GRB2: variants seen among roughly 807,000 people sequenced by gnomAD.
GRB2 encodes the protein growth factor receptor bound protein 2.
GRB2 carries 2 observed loss-of-function variants against 27.4 expected under a neutral mutation model. That is an observed-to-expected ratio of 0.07 (90% CI 0.03 to 0.23). The LOEUF is 0.23. Among genes scored for constraint, GRB2 ranks in the 10% least tolerant of loss-of-function variants. The pLI is 1.00. For missense variants in GRB2, 102 were observed against 282.4 expected, an observed-to-expected ratio of 0.36 and a Z score of 4.58; for synonymous variants, 94 against 99.6, an observed-to-expected ratio of 0.94 and a Z score of 0.33.
At chr17:75,328,416 G>A (rs368814814) in intron 3 of GRB2, among the ~76,000 whole-genome samples, 3 of 152,160 alleles carry the variant, frequency 2.0e-5, no homozygotes, top group African/African-American at 7.2e-5. Context: ...CGAGGTGGGC[G>A]GATCATCTGA....
At chr17:75,362,231 T>C (rs1281364448) in intron 2 of GRB2, among the ~76,000 whole-genome samples, 1 of 152,218 alleles carries the variant, frequency 6.6e-6, no homozygotes, top group Non-Finnish European at 1.5e-5. Flanking sequence ...GTCTTTTTAT[T>C]AATCATCATC....
chr17:75,389,259 G>A (rs769328658), intron 2 of GRB2, among the ~76,000 whole-genome samples: 5 of 150,590 alleles, frequency 3.3e-5, no homozygotes, highest in Non-Finnish European at 2.9e-5. Context: ...CACAAGTTTC[G>A]TCTCCCTTGA....
chr17:75,375,055 T>C (rs988863341), intron 2 of GRB2, among the ~76,000 whole-genome samples: 1 of 151,960 alleles, frequency 6.6e-6, no homozygotes, highest in East Asian at 1.9e-4. Context: ...GCCACCACGA[T>C]TGGCTAATTT....
intron 2 of GRB2, among the ~76,000 whole-genome samples, chr17:75,383,028 A>C (rs185509301): frequency 2.4e-4 from 37 of 151,508 alleles, no homozygotes; most frequent in African/African-American, 8.9e-4. Context: ...AAGATTTTTA[A>C]AAGTTGTTTG....
At chr17:75,329,359 A>C (rs1345624525) in intron 3 of GRB2, among the ~76,000 whole-genome samples, 2 of 152,188 alleles carry the variant, frequency 1.3e-5, no homozygotes, top group African/African-American at 4.8e-5. Context: ...AACTCCCCAG[A>C]GGCAGCACGT....
At chr17:75,337,374 G>GT (rs1437706087) in intron 2 of GRB2, among the ~76,000 whole-genome samples, 1 of 150,860 alleles carries the variant, frequency 6.6e-6, no homozygotes, top group Non-Finnish European at 1.5e-5. Context: ...AGCTACTGAA[G>GT]TGTCGGGTTA....
intron 1 of GRB2, among the ~76,000 whole-genome samples, chr17:75,397,265 T>A (rs1027705172): frequency 6.6e-6 from 1 of 152,118 alleles, no homozygotes; most frequent in African/African-American, 2.4e-5. Context: ...ATCTAACACA[T>A]ACACAACACT....
At chr17:75,395,482 C>A (rs748805528) in intron 1 of GRB2, among the ~76,000 whole-genome samples, 1 of 152,170 alleles carries the variant, frequency 6.6e-6, no homozygotes, top group Non-Finnish European at 1.5e-5. Context: ...CAAACTAATC[C>A]GTGTACATAA....
intron 2 of GRB2, among the ~76,000 whole-genome samples, chr17:75,355,386 T>C (rs1290273192): frequency 6.6e-6 from 1 of 152,074 alleles, no homozygotes; most frequent in African/African-American, 2.4e-5. Flanking sequence ...TCTGGAACAG[T>C]TGTCTATACT....
intron 2 of GRB2, among the ~76,000 whole-genome samples, chr17:75,360,747 A>G (rs1224889603): frequency 4.6e-5 from 7 of 152,174 alleles, no homozygotes; most frequent in African/African-American, 1.4e-4. Context: ...CCCTTATAAA[A>G]TAAGAGTCCT....
intron 2 of GRB2, among the ~76,000 whole-genome samples, chr17:75,369,690 CAAAA>C (rs35811117): frequency 1.7e-5 from 2 of 120,658 alleles, no homozygotes; most frequent in African/African-American, 3.3e-5. Context: ...CCGTCTCCAC[CAAAA>C]AAAAAAAAAA....
At chr17:75,371,893 TGGA>T (rs1281471894) in intron 2 of GRB2, 1 of 152,174 alleles carries the variant, frequency 6.6e-6, no homozygotes, top group Non-Finnish European at 1.5e-5. Context: ...TAGAGCTTTC[TGGA>T]GGAGGATAGT....
At chr17:75,388,976 C>A (rs1478383840) in intron 2 of GRB2, among the ~76,000 whole-genome samples, 2 of 151,960 alleles carry the variant, frequency 1.3e-5, no homozygotes, top group African/African-American at 4.8e-5. Context: ...AAACCACTCC[C>A]CTCCTTCATT....
chr17:75,348,015 A>T (rs1364238109), intron 2 of GRB2, among the ~76,000 whole-genome samples: 2 of 152,228 alleles, frequency 1.3e-5, no homozygotes, highest in Non-Finnish European at 2.9e-5. Context: ...AAACTATAAA[A>T]GAGCCAAACA....
intron 2 of GRB2, among the ~76,000 whole-genome samples, chr17:75,369,707 A>AAT (rs2078843373): frequency 6.6e-6 from 1 of 151,128 alleles, no homozygotes; most frequent in African/African-American, 2.4e-5. Context: ...AAAAAAAAAA[A>AAT]AATTAGCCGG....
chr17:75,395,839 TG>T (rs1398301011), intron 1 of GRB2, among the ~76,000 whole-genome samples: 1 of 31,316 alleles, frequency 3.2e-5, no homozygotes, highest in Non-Finnish European at 1.2e-4. Context: ...ATACTTTTTG[TG>T]TTTTTTTTTT....
chr17:75,346,871 C>CT (rs2078659031), intron 2 of GRB2, among the ~76,000 whole-genome samples: 1 of 152,032 alleles, frequency 6.6e-6, no homozygotes, highest in African/African-American at 2.4e-5. Context: ...CCTGCTCTGA[C>CT]TTTTTGGCTC....
At chr17:75,324,366 ATTTTTT>A (rs1156329058) in intron 4 of GRB2, among the ~76,000 whole-genome samples, 1 of 93,630 alleles carries the variant, frequency 1.1e-5, no homozygotes, top group African/African-American at 3.7e-5. Flanking sequence ...CCATTTTTGT[ATTTTTT>A]TTTTTTTTTT....
intron 2 of GRB2, among the ~76,000 whole-genome samples, chr17:75,363,047 T>C (rs1394702371): frequency 1.3e-5 from 2 of 152,162 alleles, no homozygotes; most frequent in Non-Finnish European, 2.9e-5. Context: ...TATAAAACCC[T>C]TTTAAAAGCC....
Sources: allele counts gnomAD v4.1 joint callset (sites outside exome capture counted in the v4.1 genomes callset), GRCh38; gene constraint gnomAD v4.1.1; transcripts MANE v1.5; gene names NCBI Gene and HGNC (gene_info 2026-07-23, HGNC 2026-07-21).